The following CEACAM19 variants were observed in gnomAD, a reference collection of about 807,000 sequenced individuals.
CEACAM19 encodes CEA cell adhesion molecule 19.
In CEACAM19, 37 loss-of-function variants were observed where a neutral mutation model predicts 37.6. That is an observed-to-expected ratio of 0.98 (90% confidence interval 0.76 to 1.29). The LOEUF is 1.29. Among genes scored for constraint, CEACAM19 ranks in the 50% most tolerant of loss-of-function variants. The pLI, the probability that CEACAM19 is intolerant of heterozygous loss-of-function variation, is 0.00. For synonymous variants in CEACAM19, 140 were observed against 149.8 expected (o/e 0.93, Z 0.48); for missense variants, 340 against 375.6 (o/e 0.91, Z 0.78).
At chr19:44,667,919 TTATA>T (rs1219117722), upstream of CEACAM19, among the ~76,000 whole-genome samples, 1 of 76,346 alleles carries the variant, frequency 1.3e-5, no homozygotes, top group Non-Finnish European at 2.1e-5. Flanking sequence ...TATATATAAA[TTATA>T]TATAATATAT....
chr19:44,674,504 G>A (rs775129156), intron 2 of CEACAM19, among the ~76,000 whole-genome samples: 11 of 151,726 alleles, frequency 7.2e-5, no homozygotes, highest in Non-Finnish European at 1.2e-4. Flanking sequence ...GGGCTCAAGC[G>A]ATCCTCCCAC....
At chr19:44,669,044 T>C (rs945862710), upstream of CEACAM19, among the ~76,000 whole-genome samples, 2 of 151,444 alleles carry the variant, frequency 1.3e-5, no homozygotes, top group Admixed American at 6.6e-5. Context: ...GGTCTTGAAC[T>C]CCTGACCTCA....
Position 44,671,949 on chromosome 19 carries a change from G to A in CEACAM19, c.18G>A (p.Gly6=), listed in dbSNP as rs750509019. Residue 6 remains glycine, a synonymous_variant, in exon 1 of 8, where the codon GGG becomes GGA. Coordinates refer to ENST00000358777, the MANE Select transcript of CEACAM19 (RefSeq NM_001127893.3). Reference sequence around the variant, plus strand: ...ACGCCAAGATGGAGATTCCCATGGGGACCCAGGGCTGCTTCTCAAAGAGCC... The same window carrying A: ...ACGCCAAGATGGAGATTCCCATGGGAACCCAGGGCTGCTTCTCAAAGAGCC... The part of the protein sequence containing the change: MEIPM[G]TQGCFSKSLL... The A allele has an allele frequency of 1.2e-6, 2 of 1,606,624 alleles. No individual in the cohort carries two copies. Among genetic ancestry groups the A allele is most frequent in the Admixed American group, 3.4e-5 (2 of 59,392 alleles).
upstream of CEACAM19, among the ~76,000 whole-genome samples, chr19:44,670,125 C>T (rs538679465): frequency 6.6e-6 from 1 of 151,794 alleles, no homozygotes; most frequent in East Asian, 1.9e-4. Context: ...AGTTCAACAC[C>T]AGCCTGGGGC....
upstream of CEACAM19, chr19:44,666,883 C>G (rs1375416626): frequency 6.6e-6 from 1 of 151,970 alleles, no homozygotes; most frequent in East Asian, 1.9e-4. Flanking sequence ...GCATTTGTTG[C>G]TTGTTGGCTG....
rs1403178459 is a variant in CEACAM19, at chr19:44,678,869, G to C, written c.592G>C (p.Gly198Arg). Residue 198 changes from glycine to arginine, a missense_variant, in exon 4 of 8, where the codon GGC becomes CGC. Coordinates refer to ENST00000358777, the MANE Select transcript of CEACAM19 (RefSeq NM_001127893.3). ...CCACCCTAGACTGCCTGCTCCGAGG[G>C]GCCAGGGATCTCTGTCCATCTTGTG... ...GQSHRLPAPR[G>R]QGSLSILCSA... 1 of 1,613,728 alleles carries C rather than the reference G, an allele frequency of 6.2e-7. No homozygotes were observed. Among genetic ancestry groups the C allele is most frequent in the African/African-American group, 1.3e-5 (1 of 74,868 alleles).
intron 6 of CEACAM19, among the ~76,000 whole-genome samples, 171 bp from the exon 7 acceptor site, chr19:44,682,396 T>G (rs915762315): frequency 6.6e-6 from 1 of 152,194 alleles, no homozygotes; most frequent in Non-Finnish European, 1.5e-5. Flanking sequence ...AGTGCCCATT[T>G]GTCAGAGGAG....
chr19:44,668,946 A>G (rs1285013535), upstream of CEACAM19, among the ~76,000 whole-genome samples: 2 of 147,144 alleles, frequency 1.4e-5, no homozygotes, highest in African/African-American at 5.1e-5. Flanking sequence ...CAGCCTCCCG[A>G]GTAGCTGGGA....
rs753643303 is a variant in CEACAM19 at position 44,684,298 on chromosome 19, G to A, written c.*808G>A. 1.3e-5 allele frequency: 2 copies of A among 152,124 alleles called. No individual in the cohort carries two copies. Among genetic ancestry groups the A allele is most frequent in the Middle Eastern group, 3.2e-3 (1 of 316 alleles). 9.4% of individuals were successfully genotyped at this position (152,124 alleles called of 1,614,324 possible). A position where few individuals can be genotyped will look rare whatever the true frequency, so the allele number is the denominator to read the frequency against. On this transcript the variant is annotated 3_prime_UTR_variant, in exon 8 of 8. Transcript: ENST00000358777. ...GGTAGAAAGCAAAACAAAAACTCCC[G>A]CTTTCCCAGAGGGTCACTTGGCAGG...
At chr19:44,668,304 G>A (rs1235273688), upstream of CEACAM19, among the ~76,000 whole-genome samples, 3 of 66,376 alleles carry the variant, frequency 4.5e-5, no homozygotes, top group African/African-American at 2.2e-4. Flanking sequence ...TATATAATAT[G>A]TTTATATATT....
upstream of CEACAM19, among the ~76,000 whole-genome samples, chr19:44,668,221 TTTATATA>T (rs1973776012): frequency 1.2e-5 from 1 of 86,810 alleles, no homozygotes; most frequent in Admixed American, 2.2e-4. Context: ...TTATATAATA[TTTATATA>T]TTATATTTAT....
upstream of CEACAM19, among the ~76,000 whole-genome samples, chr19:44,670,188 T>C (rs189430506): frequency 2.0e-5 from 3 of 151,888 alleles, no homozygotes; most frequent in Non-Finnish European, 4.4e-5. Context: ...CCAGGGATGG[T>C]AGCACACAAC....
chr19:44,668,252 ATAT>A (rs1401857645), upstream of CEACAM19, among the ~76,000 whole-genome samples: 555 of 81,864 alleles, frequency 6.8e-3, 12 homozygotes, highest in African/African-American at 0.029. Context: ...ATATGTTTAT[ATAT>A]TATTATATTT....
chr19:44,670,829 C>T (rs1283413444), upstream of CEACAM19, among the ~76,000 whole-genome samples: 1 of 143,598 alleles, frequency 7.0e-6, no homozygotes, highest in African/African-American at 2.5e-5. Flanking sequence ...AGCGCGGTGG[C>T]TCACACCTGT....
At chr19:44,679,226 CA>C (rs1568517332) in intron 4 of CEACAM19, among the ~76,000 whole-genome samples, 1 of 152,096 alleles carries the variant, frequency 6.6e-6, no homozygotes, top group Admixed American at 6.6e-5. Flanking sequence ...CTCCTGGCCT[CA>C]AAAAAGTCTC....
Position 44,676,280 on chromosome 19 carries a change from A to C in CEACAM19, c.434A>C (p.Lys145Thr), listed in dbSNP as rs772057396. 1 of 1,613,938 alleles carries C rather than the reference A, an allele frequency of 6.2e-7. No homozygotes were observed. Among genetic ancestry groups the C allele is most frequent in the Non-Finnish European group, 8.5e-7 (1 of 1,179,988 alleles). ...TTCTCTCACCCCTCAGAAAAGAATAAGGAGCTGCCCAGTACACACCTGCCC... is the reference window on the plus strand; with the variant it reads ...TTCTCTCACCCCTCAGAAAAGAATACGGAGCTGCCCAGTACACACCTGCCC... Reference protein sequence around the residue: ...KTEVQVAEKNKELPSTHLPTN... With the variant: ...KTEVQVAEKNTELPSTHLPTN... The change falls in exon 3 of 8, where the codon AAG becomes ACG. Residue 145 changes from lysine to threonine, a missense_variant. By Grantham distance (78) the Lys-to-Thr change is moderately conservative. Coordinates refer to ENST00000358777, the MANE Select transcript of CEACAM19 (RefSeq NM_001127893.3).
chr19:44,674,207 T>C (rs1246581149), intron 2 of CEACAM19, among the ~76,000 whole-genome samples: 2 of 149,390 alleles, frequency 1.3e-5, no homozygotes, highest in African/African-American at 5.0e-5. Context: ...GCCACTGCAC[T>C]CCAGCCTGGG....
chr19:44,682,591 C>T lies in CEACAM19; in HGVS notation c.817C>T (p.Gln273Ter). The T allele has an allele frequency of 1.2e-6, 2 of 1,604,582 alleles. No homozygotes were observed. Among genetic ancestry groups the T allele is most frequent in the Non-Finnish European group, 1.7e-6 (2 of 1,175,762 alleles). The change falls in exon 7 of 8, where the codon CAG (glutamine) becomes TAG (stop). Residue 273 changes from glutamine (Q) to a stop codon, truncating the protein, a stop_gained. Coordinates refer to ENST00000358777, the MANE Select transcript of CEACAM19 (RefSeq NM_001127893.3). LOFTEE classifies it high-confidence loss of function. ...ARPLPTPPHL[Q>*]AEPENHQYQD... ...GCCCCTGCCCACACCCCCACACCTG[C>T]AGGCGGAGCCAGAGAACCACCAGTA...
intron 6 of CEACAM19, 135 bp from the exon 7 acceptor site, chr19:44,682,432 C>A (rs1013853741): frequency 4.8e-6 from 4 of 828,568 alleles, no homozygotes; most frequent in Non-Finnish European, 7.8e-6. Context: ...GGAAGCTAAT[C>A]CCCTCTGCCC....
Sources: gnomAD v4.1 joint callset for allele counts (sites outside exome capture counted in the v4.1 genomes callset) on GRCh38, gnomAD v4.1.1 for gene constraint, MANE v1.5 for transcripts, NCBI Gene and HGNC (gene_info 2026-07-23, HGNC 2026-07-21) for gene names.